WAC: variants seen among roughly 807,000 people sequenced by gnomAD.
WAC encodes the protein WW domain-containing adapter protein with coiled-coil.
In WAC, 11 loss-of-function variants were observed where a neutral mutation model predicts 79.6. The observed-to-expected ratio is 0.14, with a 90% CI of 0.09 to 0.23. The LOEUF is 0.23. Ranked by LOEUF, WAC falls within the 10% of genes least tolerant of loss-of-function variation. The probability of loss-of-function intolerance (pLI) is 1.00; values close to 1 mark genes in which losing one functional copy is unlikely to be tolerated. For missense variants in WAC, 728 were observed against 773.5 expected (o/e 0.94, Z 0.70); for synonymous variants, 304 against 276.9 (o/e 1.10, Z -0.97).
Position 28,620,733 on chromosome 10 carries a change from G to A in WAC, c.*1127G>A, listed in dbSNP as rs563827788. ...ATGAAATAAGAAATTCAACAAGAAT[G>A]ATTAAGTCACTTCCCAAGTGGTTGT... On this transcript the variant is annotated 3_prime_UTR_variant, in exon 14 of 14. Coordinates refer to ENST00000354911, the MANE Select transcript of WAC (RefSeq NM_016628.5). 10 of 152,270 alleles carry A rather than the reference G, an allele frequency of 6.6e-5. No individual in the cohort carries two copies. In the South Asian group the frequency reaches 2.1e-3, roughly 32 times the overall value. 9.4% of individuals were successfully genotyped at this position (152,270 alleles called of 1,614,324 possible). A position where few individuals can be genotyped will look rare whatever the true frequency, so the allele number is the denominator to read the frequency against.
intron 3 of WAC, among the ~76,000 whole-genome samples, chr10:28,539,883 T>C (rs1246450314): frequency 6.6e-6 from 1 of 152,148 alleles, no homozygotes; most frequent in Non-Finnish European, 1.5e-5. Flanking sequence ...TATTTTGTCA[T>C]TTAGCTATAT....
chr10:28,552,969 A>G lies in WAC; in HGVS notation c.274+17212A>G, dbSNP rs80318541. ...TACAGGAGAGCCTTTCGATTTTTGT[A>G]CTTTAATTTCTGCTTTCAAATATTT... On this transcript the variant is annotated intron_variant, in intron 3 of 13. Transcript: ENST00000354911. Among the ~76,000 whole-genome samples the G allele has an allele frequency of 4.7e-3, 687 of 147,320 alleles. 3 individuals carry two copies. Among genetic ancestry groups the G allele is most frequent in the African/African-American group, 0.017 (665 of 39,866 alleles).
At chr10:28,619,426 C>T in intron 13 of WAC, 111 bp from the exon 14 acceptor site, 1 of 782,948 alleles carries the variant, frequency 1.3e-6, no homozygotes, top group Non-Finnish European at 2.0e-6. Context: ...ATTTCTTTGC[C>T]TTAATTAGAA....
Position 28,620,241 on chromosome 10 carries a change from C to T in WAC, c.*635C>T, listed in dbSNP as rs550937994. The T allele has an allele frequency of 6.5e-6, 1 of 152,702 alleles. No homozygotes were observed. Among genetic ancestry groups the T allele is most frequent in the East Asian group, 1.9e-4 (1 of 5,188 alleles). The allele number at this position is 152,702 out of a possible 1,614,324, so 9.5% of individuals were successfully genotyped here. The stretch of plus-strand genomic sequence containing the variant: ...TTTTTTTAAGGCTCCTCTTTATCTC[C>T]TTTCTTAAGGCACTGTTGCTATGGC... On this transcript the variant is annotated 3_prime_UTR_variant, in exon 14 of 14. Coordinates refer to ENST00000354911, the MANE Select transcript of WAC (RefSeq NM_016628.5).
chr10:28,569,618 C>T (rs1343673383), intron 3 of WAC, among the ~76,000 whole-genome samples: 1 of 152,128 alleles, frequency 6.6e-6, no homozygotes, highest in African/African-American at 2.4e-5. Context: ...ATGTTTGAAA[C>T]AGTTCCTCAG....
At chr10:28,596,400 C>T (rs1410296525) in intron 7 of WAC, among the ~76,000 whole-genome samples, 2 of 151,444 alleles carry the variant, frequency 1.3e-5, no homozygotes, top group African/African-American at 4.8e-5. Flanking sequence ...TCTCTTAATA[C>T]TTAATATAAA....
intron 3 of WAC, among the ~76,000 whole-genome samples, chr10:28,557,616 C>T (rs564600400): frequency 2.6e-5 from 4 of 152,106 alleles, no homozygotes; most frequent in African/African-American, 9.6e-5. Context: ...ATTGCTTGAG[C>T]CTAGGAGGTT....
chr10:28,550,166 C>A (rs1229132049), intron 3 of WAC, among the ~76,000 whole-genome samples: 43 of 141,230 alleles, frequency 3.0e-4, no homozygotes, highest in African/African-American at 3.1e-4. Flanking sequence ...GACTCAGTCT[C>A]AAAAAAAAAA....
At chr10:28,559,135 G>GTGT (rs750941388) in intron 3 of WAC, among the ~76,000 whole-genome samples, 4 of 64,728 alleles carry the variant, frequency 6.2e-5, no homozygotes, top group Admixed American at 3.7e-4. Context: ...CGAGAAACCT[G>GTGT]ATGTGTGTGT....
intron 3 of WAC, among the ~76,000 whole-genome samples, chr10:28,575,456 A>G (rs951265923): frequency 2.6e-5 from 4 of 152,244 alleles, no homozygotes; most frequent in African/African-American, 7.2e-5. Context: ...CAGTTTGTAT[A>G]AGAGGGTTCC....
chr10:28,617,099 A>T (rs1412187766), intron 12 of WAC, among the ~76,000 whole-genome samples: 1 of 151,984 alleles, frequency 6.6e-6, no homozygotes, highest in Non-Finnish European at 1.5e-5. Context: ...ACAAAAAAAA[A>T]CCCCACTTAA....
At chr10:28,546,877 T>G (rs1193682482) in intron 3 of WAC, among the ~76,000 whole-genome samples, 1 of 152,108 alleles carries the variant, frequency 6.6e-6, no homozygotes, top group African/African-American at 2.4e-5. Flanking sequence ...CTTTTTTTTT[T>G]TTAACCCAAA....
At chr10:28,611,108 T>A in intron 9 of WAC, 2 of 594,456 alleles carry the variant, frequency 3.4e-6, no homozygotes, top group Non-Finnish European at 5.2e-6. Context: ...TGAGTTTTTT[T>A]ATGCCAAAGC....
intron 7 of WAC, among the ~76,000 whole-genome samples, chr10:28,598,825 A>G (rs981057924): frequency 4.6e-5 from 7 of 152,358 alleles, no homozygotes; most frequent in African/African-American, 1.7e-4. Flanking sequence ...TGTGTTTGCT[A>G]ATCACAAGCA....
intron 3 of WAC, among the ~76,000 whole-genome samples, chr10:28,555,175 C>T (rs1431181801): frequency 6.6e-6 from 1 of 152,122 alleles, no homozygotes; most frequent in Non-Finnish European, 1.5e-5. Flanking sequence ...TCTTCAGTAT[C>T]TTTATGTAGC....
At chr10:28,605,312 CT>C (rs1564414750) in intron 7 of WAC, among the ~76,000 whole-genome samples, 1 of 152,174 alleles carries the variant, frequency 6.6e-6, no homozygotes, top group Non-Finnish European at 1.5e-5. Context: ...ACACATAGAA[CT>C]TCTACAAGTT....
intron 1 of WAC, 158 bp downstream of exon 1, chr10:28,533,778 G>A (rs1836428455): frequency 2.7e-6 from 2 of 753,284 alleles, no homozygotes; most frequent in Non-Finnish European, 4.2e-6. Flanking sequence ...GGGCGGGCGG[G>A]AACGCAGTGT....
At chr10:28,572,790 G>A (rs1376773282) in intron 3 of WAC, among the ~76,000 whole-genome samples, 2 of 152,108 alleles carry the variant, frequency 1.3e-5, no homozygotes, top group East Asian at 1.9e-4. Flanking sequence ...CAGCCTTGGC[G>A]ATGAGAGCGA....
At chr10:28,600,022 T>C (rs1300087410) in intron 7 of WAC, among the ~76,000 whole-genome samples, 1 of 152,142 alleles carries the variant, frequency 6.6e-6, no homozygotes, top group African/African-American at 2.4e-5. Flanking sequence ...AATGACAAAA[T>C]AGGAAACGTG....
Sources: allele counts gnomAD v4.1 joint callset (sites outside exome capture counted in the v4.1 genomes callset), GRCh38; gene constraint gnomAD v4.1.1; transcripts MANE v1.5; gene names NCBI Gene and HGNC (gene_info 2026-07-23, HGNC 2026-07-21).